The following TCF4 variants were observed in gnomAD, a reference collection of about 807,000 sequenced individuals.
The protein encoded by TCF4 is SL3-3 enhancer factor 2.
TCF4 carries 3 observed loss-of-function variants against 82.1 expected under a neutral mutation model. The observed-to-expected ratio is 0.04, with a 90% CI of 0.02 to 0.09. The LOEUF (loss-of-function observed/expected upper bound fraction) is 0.09. Ranked by LOEUF, TCF4 falls within the 10% of genes least tolerant of loss-of-function variation. The pLI is 1.00. For synonymous variants in TCF4, 276 were observed against 309.6 expected, an observed-to-expected ratio of 0.89 and a Z score of 1.14; for missense variants, 518 against 852.7, an observed-to-expected ratio of 0.61 and a Z score of 4.89.
intron 15 of TCF4, among the ~76,000 whole-genome samples, chr18:55,235,624 T>A (rs1041253133): frequency 1.8e-4 from 28 of 152,232 alleles, no homozygotes; most frequent in Non-Finnish European, 4.1e-4. Context: ...AACTGCCTAC[T>A]TCATAGCACA....
intron 2 of TCF4, chr18:55,586,180 CAGCAGCAGCAGCAG>C (rs2097648062): frequency 6.5e-6 from 4 of 617,062 alleles, no homozygotes; most frequent in Non-Finnish European, 2.3e-6. Context: ...GCAGCAGCAG[CAGCAGCAGCAGCAG>C]CAGCAGCAGC....
chr18:55,439,061 C>T (rs1413458798), intron 5 of TCF4, among the ~76,000 whole-genome samples: 1 of 151,734 alleles, frequency 6.6e-6, no homozygotes, highest in East Asian at 1.9e-4. Flanking sequence ...TGCACCAGGG[C>T]GGGGCAGTGG....
intron 5 of TCF4, among the ~76,000 whole-genome samples, chr18:55,441,610 T>C (rs1466319431): frequency 6.6e-6 from 1 of 152,212 alleles, no homozygotes; most frequent in Non-Finnish European, 1.5e-5. Context: ...CAGCTTGAGC[T>C]AGATGGTAGA....
intron 3 of TCF4, among the ~76,000 whole-genome samples, chr18:55,546,226 C>A (rs1446660809): frequency 6.6e-6 from 1 of 151,954 alleles, no homozygotes; most frequent in Non-Finnish European, 1.5e-5. Context: ...GTAGTCCCAG[C>A]GACTCAGGAG....
At chr18:55,413,271 C>A (rs975115449) in intron 5 of TCF4, among the ~76,000 whole-genome samples, 1 of 152,058 alleles carries the variant, frequency 6.6e-6, no homozygotes, top group Non-Finnish European at 1.5e-5. Context: ...ATTAAATGAT[C>A]ATTTCTCTAG....
At chr18:55,363,673 G>A (rs1309177862) in intron 6 of TCF4, among the ~76,000 whole-genome samples, 1 of 152,116 alleles carries the variant, frequency 6.6e-6, no homozygotes, top group African/African-American at 2.4e-5. Flanking sequence ...AGGCGTGGTA[G>A]TGCACACCTG....
intron 3 of TCF4, among the ~76,000 whole-genome samples, chr18:55,507,861 A>G (rs548453605): frequency 2.5e-4 from 38 of 152,248 alleles, no homozygotes; most frequent in South Asian, 1.5e-3. Context: ...CAGCTTCTCC[A>G]TTCCCCTAAA....
intron 3 of TCF4, among the ~76,000 whole-genome samples, chr18:55,569,720 G>A (rs1332135797): frequency 2.0e-5 from 3 of 151,898 alleles, no homozygotes; most frequent in African/African-American, 4.8e-5. Context: ...CTATAATTAC[G>A]AAATTACAGC....
chr18:55,556,916 A>G (rs2097309592), intron 3 of TCF4, among the ~76,000 whole-genome samples: 1 of 152,194 alleles, frequency 6.6e-6, no homozygotes, highest in African/African-American at 2.4e-5. Context: ...CTTTAAGAGT[A>G]ATTTAAAATT....
intron 8 of TCF4, among the ~76,000 whole-genome samples, chr18:55,338,989 T>C (rs1778282737): frequency 6.6e-6 from 1 of 152,198 alleles, no homozygotes; most frequent in Admixed American, 6.5e-5. Flanking sequence ...TATGCATTCA[T>C]TACACAGTGT....
intron 2 of TCF4, among the ~76,000 whole-genome samples, chr18:55,617,821 G>GTGTGTGTA (rs754773483): frequency 7.3e-6 from 1 of 137,854 alleles, no homozygotes; most frequent in Non-Finnish European, 1.7e-5. Flanking sequence ...CTGTGTGTGT[G>GTGTGTGTA]TGTGTGTGTG....
intron 6 of TCF4, chr18:55,400,837 T>C (rs759796236): frequency 3.3e-6 from 2 of 597,142 alleles, no homozygotes; most frequent in South Asian, 1.8e-5. Flanking sequence ...CATGTTTCCA[T>C]ATAGCACTGC....
chr18:55,408,782 C>G (rs1004568995), intron 5 of TCF4, among the ~76,000 whole-genome samples: 24 of 151,678 alleles, frequency 1.6e-4, no homozygotes, highest in Admixed American at 6.6e-5. Flanking sequence ...AGACTGTGCT[C>G]TTAGCACTAT....
intron 3 of TCF4, among the ~76,000 whole-genome samples, chr18:55,495,451 T>A (rs967535014): frequency 6.6e-6 from 1 of 152,186 alleles, no homozygotes; most frequent in African/African-American, 2.4e-5. Flanking sequence ...AAGTTCAAAG[T>A]GTCACATAAA....
At chr18:55,256,509 T>C (rs1012137340) in intron 14 of TCF4, among the ~76,000 whole-genome samples, 1 of 152,072 alleles carries the variant, frequency 6.6e-6, no homozygotes, top group African/African-American at 2.4e-5. Context: ...CACCTTTGCT[T>C]TTCTTTTCAG....
At chr18:55,428,917 G>A (rs959898253) in intron 5 of TCF4, among the ~76,000 whole-genome samples, 2 of 151,948 alleles carry the variant, frequency 1.3e-5, no homozygotes, top group Non-Finnish European at 2.9e-5. Flanking sequence ...CTCTGGAGAA[G>A]GAGGAGAAGA....
chr18:55,431,156 C>G (rs2095177840), intron 5 of TCF4, among the ~76,000 whole-genome samples: 1 of 152,104 alleles, frequency 6.6e-6, no homozygotes, highest in Admixed American at 6.5e-5. Flanking sequence ...GAAAAAGGAG[C>G]CAGTTGGAGT....
intron 15 of TCF4, among the ~76,000 whole-genome samples, chr18:55,246,600 A>G (rs770116588): frequency 1.3e-5 from 2 of 152,118 alleles, no homozygotes; most frequent in Non-Finnish European, 2.9e-5. Context: ...AAATCTTTTG[A>G]CTTTTCTTTA....
chr18:55,425,771 C>G (rs894899075), intron 5 of TCF4, among the ~76,000 whole-genome samples: 1 of 152,164 alleles, frequency 6.6e-6, no homozygotes, highest in African/African-American at 2.4e-5. Context: ...ATCTCCTCCC[C>G]CTTCCAATAT....
Sources: allele counts gnomAD v4.1 joint callset (sites outside exome capture counted in the v4.1 genomes callset), GRCh38; gene constraint gnomAD v4.1.1; transcripts MANE v1.5; gene names NCBI Gene and HGNC (gene_info 2026-07-23, HGNC 2026-07-21).